Variants in COL18A1 observed in about 807,000 individuals in gnomAD.
COL18A1 encodes collagen alpha-1(XVIII) chain.
In COL18A1, 133 loss-of-function variants were observed where a neutral mutation model predicts 168.0. That is an observed-to-expected ratio of 0.79 (90% confidence interval 0.69 to 0.91). The LOEUF (loss-of-function observed/expected upper bound fraction) is 0.91, where lower values mean the gene tolerates loss of function less well. COL18A1 is among the 40% of genes least tolerant of loss of function. COL18A1 has a pLI of 0.00. For synonymous variants in COL18A1, 949 were observed against 809.0 expected (o/e 1.17, Z -2.94); for missense variants, 2,126 against 1,925.4 (o/e 1.10, Z -1.95).
At chr21:45,414,209 T>C (rs998529815) in intron 2 of COL18A1, among the ~76,000 whole-genome samples, 3 of 152,182 alleles carry the variant, frequency 2.0e-5, no homozygotes, top group African/African-American at 7.2e-5. Context: ...TAGGAGGCCA[T>C]GGTGTGCCTG....
chr21:45,422,005 C>T (rs772556778), intron 2 of COL18A1, among the ~76,000 whole-genome samples: 1 of 152,130 alleles, frequency 6.6e-6, no homozygotes, highest in Non-Finnish European at 1.5e-5. Flanking sequence ...ACGCTCGGGC[C>T]GATACGCACA....
intron 2 of COL18A1, among the ~76,000 whole-genome samples, chr21:45,416,923 T>A (rs1044970458): frequency 4.6e-5 from 7 of 152,180 alleles, no homozygotes; most frequent in African/African-American, 1.7e-4. Context: ...CTCGAGAGAG[T>A]GACAGTGCTT....
At chr21:45,439,083 G>C (rs541915664) in intron 2 of COL18A1, among the ~76,000 whole-genome samples, 20 of 152,344 alleles carry the variant, frequency 1.3e-4, no homozygotes, top group African/African-American at 4.6e-4. Context: ...ACCCCACCAG[G>C]CATCCCACAA....
chr21:45,505,007 G>A, intron 34 of COL18A1, 127 bp from the exon 35 acceptor site: 2 of 1,217,486 alleles, frequency 1.6e-6, no homozygotes, highest in Non-Finnish European at 2.3e-6. Context: ...GCGTGGGCAG[G>A]GAGGGGACCG....
rs764739512 is a variant in COL18A1, at chr21:45,510,083, A to G, written c.3515A>G (p.Asn1172Ser). 8.9e-6 allele frequency: 14 copies of G among 1,580,584 alleles called. No homozygotes were observed. The highest frequency in any genetic ancestry group is 2.3e-5 in the South Asian group (2 of 87,488). Residue 1172 changes from asparagine (N) to serine (S), a missense_variant, in exon 40 of 42, where the codon AAC becomes AGC. Transcript: ENST00000651438. ...CCGCAGCTCCACCTGGTTGCGCTCA[A>G]CAGCCCCCTGTCAGGCGGCATGCGG... is the stretch of plus-strand genomic sequence containing the variant. ...FQPVLHLVAL[N>S]SPLSGGMRGI...
Position 45,509,413 on chromosome 21 carries a change from T to C in COL18A1, c.3307T>C (p.Tyr1103His), listed in dbSNP as rs1039474023. The C allele has an allele frequency of 4.3e-5, 66 of 1,539,752 alleles. No individual in the cohort carries two copies. The highest frequency in any genetic ancestry group is 5.2e-5 in the Non-Finnish European group (60 of 1,143,504). The change falls in exon 39 of 42, where the codon TAC (tyrosine) becomes CAC (histidine). Residue 1103 changes from tyrosine (Y) to histidine (H), a missense_variant. Tyr to His is a moderately conservative substitution (Grantham distance 83). Transcript: ENST00000651438. ...GGTGCAGCTGCACGACAGCAACCCC[T>C]ACCCGCGGCGGGAGCACCCCCACCC... ...PVVQLHDSNP[Y>H]PRREHPHPTA... is the part of the protein sequence containing the mutation.
At chr21:45,453,130 G>T (rs112017568) in intron 2 of COL18A1, among the ~76,000 whole-genome samples, 1 of 151,852 alleles carries the variant, frequency 6.6e-6, no homozygotes, top group Non-Finnish European at 1.5e-5. Context: ...GTGGGCTTGT[G>T]TATGCGAGTA....
At chr21:45,504,310 G>A (rs2037049957) in intron 33 of COL18A1, 106 bp from the exon 34 acceptor site, 2 of 1,174,650 alleles carry the variant, frequency 1.7e-6, no homozygotes, top group South Asian at 1.5e-5. Flanking sequence ...CCCAGGCCTG[G>A]GCTCCGGAAG....
intron 20 of COL18A1, 45 bp downstream of exon 20, chr21:45,490,391 C>T (rs1568921281): frequency 7.1e-7 from 1 of 1,411,996 alleles, no homozygotes; most frequent in Non-Finnish European, 9.6e-7. Flanking sequence ...GGCGTGGAGC[C>T]CTGAAGGGAC....
Position 45,441,634 on chromosome 21 carries a change from C to T in COL18A1, c.107-26608C>T, listed in dbSNP as rs113013142. On this transcript the variant is annotated intron_variant, in intron 2 of 41. Coordinates refer to ENST00000651438, the MANE Select transcript of COL18A1 (RefSeq NM_001379500.1). Reference sequence around the variant, plus strand: ...GATCTGCCATCTCTGCTTCACCAGCCGGCGCCTTCTACAGAACACGGCCGT... The same window carrying T: ...GATCTGCCATCTCTGCTTCACCAGCTGGCGCCTTCTACAGAACACGGCCGT... 8.6e-4 allele frequency among the ~76,000 whole-genome samples: 131 copies of T among 152,332 alleles called. 1 individual carries two copies. Among genetic ancestry groups the T allele is most frequent in the Non-Finnish European group, 1.3e-3 (88 of 68,034 alleles).
chr21:45,482,177 C>A, intron 14 of COL18A1, 152 bp downstream of exon 14: 1 of 666,432 alleles, frequency 1.5e-6, no homozygotes, highest in South Asian at 1.7e-5. Flanking sequence ...CTCTGGAGGT[C>A]ACCCTGACCT....
At chr21:45,470,622 G>T (rs748787313) in intron 3 of COL18A1, among the ~76,000 whole-genome samples, 6 of 151,806 alleles carry the variant, frequency 4.0e-5, no homozygotes, top group Admixed American at 3.3e-4. Flanking sequence ...AAGTAGCTGG[G>T]ATTACAGGCA....
intron 29 of COL18A1, chr21:45,495,829 C>T: frequency 3.0e-6 from 1 of 337,514 alleles, no homozygotes; most frequent in Non-Finnish European, 5.8e-6. Flanking sequence ...ACGTGCACAC[C>T]CATACAGGTA....
At chr21:45,477,325 G>A (rs2035712211) in intron 6 of COL18A1, 86 bp from the exon 7 acceptor site, 4 of 1,079,828 alleles carry the variant, frequency 3.7e-6, no homozygotes, top group Non-Finnish European at 5.5e-6. Flanking sequence ...AAAGCGTTTG[G>A]GCTGCCGGGG....
intron 32 of COL18A1, 49 bp from the exon 33 acceptor site, chr21:45,503,962 C>T (rs376333351): frequency 5.0e-5 from 80 of 1,609,496 alleles, no homozygotes; most frequent in South Asian, 1.8e-4. Flanking sequence ...GGGAACCCGG[C>T]GCTGTCAGAC....
intron 2 of COL18A1, among the ~76,000 whole-genome samples, chr21:45,419,508 C>T (rs961033804): frequency 1.1e-4 from 17 of 152,054 alleles, no homozygotes; most frequent in Admixed American, 8.5e-4. Flanking sequence ...CATCACTGTT[C>T]GGGCCCTGGG....
At chr21:45,437,411 C>G (rs1206252016) in intron 2 of COL18A1, among the ~76,000 whole-genome samples, 2 of 111,480 alleles carry the variant, frequency 1.8e-5, no homozygotes, top group Non-Finnish European at 3.6e-5. Flanking sequence ...CACACTCACA[C>G]TCAGACACAC....
intron 2 of COL18A1, among the ~76,000 whole-genome samples, chr21:45,445,500 T>C (rs2034485588): frequency 6.6e-6 from 1 of 152,236 alleles, no homozygotes; most frequent in Non-Finnish European, 1.5e-5. Flanking sequence ...GGGACTATGG[T>C]AACTGTGTTT....
Position 45,463,454 on chromosome 21 carries a change from T to C in COL18A1, c.107-4788T>C, listed in dbSNP as rs527798970. On this transcript the variant is annotated intron_variant, in intron 2 of 41. Coordinates refer to ENST00000651438, the MANE Select transcript of COL18A1 (RefSeq NM_001379500.1). This position sits in a 1 kb window ranked among gnomAD's most constrained non-coding sequence, Gnocchi z 4.0. ...GCCTTCCTGTGGACATTGCAAGCTT[T>C]CAGTAGACTCCAGAGTTCCAAAAGA... is the stretch of plus-strand genomic sequence containing the variant. Among the ~76,000 whole-genome samples, 2 of 152,348 alleles carry C rather than the reference T, an allele frequency of 1.3e-5. No homozygotes were observed. The highest frequency in any genetic ancestry group is 4.1e-4 in the South Asian group (2 of 4,826).
Sources: gnomAD v4.1 joint callset for allele counts (sites outside exome capture counted in the v4.1 genomes callset) on GRCh38, gnomAD v4.1.1 for gene constraint, Gnocchi (gnomAD v3.1) non-coding constraint, MANE v1.5 for transcripts, NCBI Gene and HGNC (gene_info 2026-07-23, HGNC 2026-07-21) for gene names.